The following NAE1 variants were observed in gnomAD, a reference collection of about 807,000 sequenced individuals.
NAE1 encodes NEDD8 activating enzyme E1 subunit 1.
In NAE1, 59 loss-of-function variants were observed where a neutral mutation model predicts 88.0. The ratio of observed to expected loss-of-function variants is 0.67; its 90% CI spans 0.54 to 0.83. NAE1 has a LOEUF of 0.83. Ranked by LOEUF, NAE1 falls within the 40% of genes least tolerant of loss-of-function variation. The probability of loss-of-function intolerance (pLI) is 0.00; values close to 1 mark genes in which losing one functional copy is unlikely to be tolerated. For synonymous variants in NAE1, 186 were observed against 208.9 expected (o/e 0.89, Z 0.95); for missense variants, 554 against 632.8 (o/e 0.88, Z 1.34).
At chr16:66,807,149 T>C (rs1368717768) in intron 17 of NAE1, among the ~76,000 whole-genome samples, 2 of 152,186 alleles carry the variant, frequency 1.3e-5, no homozygotes, top group Non-Finnish European at 2.9e-5. Flanking sequence ...AGCAACTGCA[T>C]GCCTCCCCAA....
intron 10 of NAE1, 59 bp downstream of exon 10, chr16:66,816,906 C>A: frequency 6.4e-7 from 1 of 1,552,652 alleles, no homozygotes; most frequent in Non-Finnish European, 8.6e-7. Context: ...CAATAAGTAC[C>A]TGCCTCTAGC....
At chr16:66,820,806 C>T (rs1456444041) in intron 7 of NAE1, among the ~76,000 whole-genome samples, 1 of 150,402 alleles carries the variant, frequency 6.6e-6, no homozygotes, top group African/African-American at 2.5e-5. Context: ...GAGGCTGAGG[C>T]AGGAGAATGG....
In NAE1 at chr16:66,822,674, A is replaced by AT. The variant is rs1347628564; in HGVS notation, c.401+552dup. Reference sequence around the variant, plus strand: ...CTTTTATTTATTTATTTATTTATTTATTTTTTTTTTTTGAGACAGAGTCTA... The same window carrying AT: ...CTTTTATTTATTTATTTATTTATTTATTTTTTTTTTTTTGAGACAGAGTCTA... On this transcript the variant is annotated intron_variant, in intron 6 of 19. Coordinates refer to ENST00000290810, the MANE Select transcript of NAE1 (RefSeq NM_003905.4). 1.8e-3 allele frequency among the ~76,000 whole-genome samples: 246 copies of AT among 137,588 alleles called. 3 individuals are homozygous for AT. Among genetic ancestry groups the AT allele is most frequent in the South Asian group, 0.016 (66 of 4,116 alleles). 90.3% of individuals were successfully genotyped at this position (137,588 alleles called of 152,430 possible). A position where few individuals can be genotyped will look rare whatever the true frequency, so the allele number is the denominator to read the frequency against.
chr16:66,822,764 G>C (rs1157071224), intron 6 of NAE1, among the ~76,000 whole-genome samples: 1 of 148,740 alleles, frequency 6.7e-6, no homozygotes, highest in African/African-American at 2.5e-5. Flanking sequence ...CCACCTCCCT[G>C]ATTCAAGCGA....
intron 1 of NAE1, chr16:66,827,837 C>G: frequency 1.5e-6 from 1 of 662,710 alleles, no homozygotes; most frequent in Non-Finnish European, 2.6e-6. Flanking sequence ...CAGAGCATGT[C>G]AAGCAACTGC....
At chr16:66,820,996 G>A (rs1960235541) in intron 7 of NAE1, among the ~76,000 whole-genome samples, 1 of 152,166 alleles carries the variant, frequency 6.6e-6, no homozygotes, top group Non-Finnish European at 1.5e-5. Context: ...TTGAACCCGG[G>A]AGGTGGAGGT....
Position 66,826,528 on chromosome 16 carries a change from T to G in NAE1, c.213A>C (p.Gly71=). Residue 71 remains glycine (G), a synonymous_variant, in exon 3 of 20, where the codon GGA becomes GGC. Transcript: ENST00000290810. ...TTGAAGAGAATAGAACATACTTGTT[T>G]CCAGCATCTTCTCCGCTGACCTGAT... ...DGNQVSGEDA[G]NNFFLQRSSI... The G allele has an allele frequency of 1.2e-6, 2 of 1,614,050 alleles. No individual in the cohort carries two copies. Among genetic ancestry groups the G allele is most frequent in the Non-Finnish European group, 1.7e-6 (2 of 1,179,992 alleles).
chr16:66,804,111 G>T (rs1027062147), intron 19 of NAE1, among the ~76,000 whole-genome samples: 3 of 152,024 alleles, frequency 2.0e-5, no homozygotes. Context: ...ACAAGAGAAG[G>T]GGTTTGTATT....
chr16:66,826,908 G>T, intron 1 of NAE1, 128 bp from the exon 2 acceptor site: 1 of 793,226 alleles, frequency 1.3e-6, no homozygotes, highest in Non-Finnish European at 2.0e-6. Flanking sequence ...AGGTAAGACG[G>T]GAACAGATAT....
At chr16:66,823,737 T>C (rs1213964831) in intron 4 of NAE1, 137 bp from the exon 5 acceptor site, 2 of 691,950 alleles carry the variant, frequency 2.9e-6, no homozygotes, top group Non-Finnish European at 4.7e-6. Context: ...GTTTCCCTTC[T>C]TTTTTCTTTT....
At position 66,814,610 on chromosome 16, in the gene NAE1, TAC is replaced by T. The variant is rs10693264; in HGVS notation, c.841-766_841-765del. ...CCTGTCTCAAAAAAAAAAAAAAAAA[TAC>T]ACACACACACACACACAAATCATAG... On this transcript the variant is annotated intron_variant, in intron 11 of 19. Transcript: ENST00000290810. Among the ~76,000 whole-genome samples, 72 of 138,932 alleles carry T rather than the reference TAC, an allele frequency of 5.2e-4. 1 individual carries two copies. Among genetic ancestry groups the T allele is most frequent in the Non-Finnish European group, 2.3e-4 (15 of 65,438 alleles). The allele number at this position is 138,932 out of a possible 152,430, so 91.1% of individuals were successfully genotyped here. A position where few individuals can be genotyped will look rare whatever the true frequency, so the allele number is the denominator to read the frequency against.
chr16:66,815,350 C>A (rs1220575216), intron 11 of NAE1, among the ~76,000 whole-genome samples: 1 of 152,126 alleles, frequency 6.6e-6, no homozygotes, highest in Non-Finnish European at 1.5e-5. Context: ...AAAAGTGATT[C>A]ACAAAGCACA....
rs981599904 is a variant in NAE1 at position 66,821,553 on chromosome 16, T to G, written c.408A>C (p.Ser136=). ...VVATQLPEST[S]LRLADVLWNS... The stretch of plus-strand genomic sequence containing the variant: ...TCCAGAGGACATCTGCTAAGCGTAG[T>G]GAAGTGCTGTTTAAAAAAAAAAAGC... Residue 136 remains serine (S), a synonymous_variant, in exon 7 of 20, where the codon TCA becomes TCC. Coordinates refer to ENST00000290810, the MANE Select transcript of NAE1 (RefSeq NM_003905.4). 1.3e-6 allele frequency: 2 copies of G among 1,571,242 alleles called. No homozygotes were observed. Among genetic ancestry groups the G allele is most frequent in the Admixed American group, 2.1e-5 (1 of 48,472 alleles).
At chr16:66,810,654 A>C (rs1959757670) in intron 14 of NAE1, 43 bp downstream of exon 14, 1 of 1,547,490 alleles carries the variant, frequency 6.5e-7, no homozygotes, top group Non-Finnish European at 8.9e-7. Flanking sequence ...GGCTGGAGTT[A>C]CGTGCTGAGG....
At chr16:66,810,556 A>C in intron 14 of NAE1, 141 bp downstream of exon 14, 1 of 1,091,514 alleles carries the variant, frequency 9.2e-7, no homozygotes, top group Non-Finnish European at 1.4e-6. Context: ...TTTCCTTATC[A>C]CAAGCTATCC....
At position 66,803,054 on chromosome 16, in the gene NAE1, G is replaced by C. The variant is rs746467784; in HGVS notation, c.1560C>G (p.Tyr520Ter). Residue 520 changes from tyrosine (Y) to a stop codon, truncating the protein, a stop_gained, in exon 20 of 20, where the codon TAC (tyrosine) becomes TAG (stop). Transcript: ENST00000290810. LOFTEE classifies it high-confidence loss of function. Reference protein sequence around the residue: ...TKQFVIFNNTYIYSGMSQTSA... With the variant: ...TKQFVIFNNT ...AAGTTTGTGACATGCCACTGTAAAT[G>C]TAAGTATTATTAAAAATTACAAATT... 3 of 1,612,588 alleles carry C rather than the reference G, an allele frequency of 1.9e-6. No homozygotes were observed. The highest frequency in any genetic ancestry group is 1.7e-6 in the Non-Finnish European group (2 of 1,178,980).
At position 66,808,594 on chromosome 16, in the gene NAE1, TG is replaced by T; in HGVS notation, c.1256del (p.Pro419GlnfsTer5). The T allele has an allele frequency of 1.9e-6, 3 of 1,606,998 alleles. No homozygotes were observed. Among genetic ancestry groups the T allele is most frequent in the Non-Finnish European group, 2.6e-6 (3 of 1,176,198 alleles). ...KDEIISSMDN[P>X]DNEIVLYLML... ...TTAAGTACAACACTATTTCATTATC[TG>T]GATTGTCCATGCTAGAAACTGAAAG... On this transcript the variant is annotated frameshift_variant, in exon 17 of 20. Transcript: ENST00000290810. LOFTEE classifies it high-confidence loss of function.
At chr16:66,822,795 G>A (rs990261711) in intron 6 of NAE1, among the ~76,000 whole-genome samples, 13 of 149,614 alleles carry the variant, frequency 8.7e-5, no homozygotes, top group Admixed American at 2.0e-4. Flanking sequence ...TCAGCTTCCC[G>A]AGTAGCTGGG....
chr16:66,821,288 T>C (rs1444716095), intron 7 of NAE1, among the ~76,000 whole-genome samples, 162 bp downstream of exon 7: 1 of 152,102 alleles, frequency 6.6e-6, no homozygotes, highest in East Asian at 1.9e-4. Context: ...ACATAAAGAG[T>C]AGATTGCAGC....
Sources: allele counts gnomAD v4.1 joint callset (sites outside exome capture counted in the v4.1 genomes callset), GRCh38; gene constraint gnomAD v4.1.1; transcripts MANE v1.5; gene names NCBI Gene and HGNC (gene_info 2026-07-23, HGNC 2026-07-21).